NCOA1: variants seen among roughly 807,000 people sequenced by gnomAD.
NCOA1 encodes the protein nuclear receptor coactivator 1, also known as Hin-2 protein.
A neutral mutation model predicts 150.9 loss-of-function variants in NCOA1; 35 were observed. The observed-to-expected ratio is 0.23, with a 90% CI of 0.18 to 0.31. The LOEUF is 0.31. Ranked by LOEUF, NCOA1 falls within the 10% of genes least tolerant of loss-of-function variation. The pLI, the probability that NCOA1 is intolerant of heterozygous loss-of-function variation, is 1.00. For missense variants in NCOA1, 1,491 were observed against 1,749.3 expected, an observed-to-expected ratio of 0.85 and a Z score of 2.63; for synonymous variants, 590 against 630.0, an observed-to-expected ratio of 0.94 and a Z score of 0.95.
intron 19 of NCOA1, among the ~76,000 whole-genome samples, chr2:24,745,230 C>T (rs1010527995): frequency 1.2e-4 from 18 of 147,592 alleles, no homozygotes; most frequent in Non-Finnish European, 1.9e-4. Context: ...GGCGTGATCT[C>T]GGCTCACTGC....
intron 1 of NCOA1, among the ~76,000 whole-genome samples, chr2:24,562,886 T>C (rs968644794): frequency 5.3e-5 from 8 of 151,738 alleles, no homozygotes; most frequent in Admixed American, 2.6e-4. Flanking sequence ...TTAGAAAAAA[T>C]AGAGTGAGAT....
intron 1 of NCOA1, among the ~76,000 whole-genome samples, chr2:24,500,965 T>TTA (rs1486493189): frequency 3.3e-5 from 5 of 152,226 alleles, no homozygotes; most frequent in Admixed American, 6.5e-5. Context: ...AGAGCTTTTT[T>TTA]TATATGTATA....
At chr2:24,606,512 C>T (rs1395935709) in intron 3 of NCOA1, among the ~76,000 whole-genome samples, 1 of 152,218 alleles carries the variant, frequency 6.6e-6, no homozygotes, top group African/African-American at 2.4e-5. Context: ...GTTGGGATTA[C>T]AGGCATGAGT....
chr2:24,510,293 C>T (rs1049072417), intron 1 of NCOA1, among the ~76,000 whole-genome samples: 3 of 152,168 alleles, frequency 2.0e-5, no homozygotes, highest in Non-Finnish European at 4.4e-5. Context: ...TTAAGTGATC[C>T]GCCTTGGCCT....
intron 14 of NCOA1, among the ~76,000 whole-genome samples, chr2:24,725,413 C>T (rs1674566189): frequency 6.6e-6 from 1 of 151,942 alleles, no homozygotes; most frequent in East Asian, 1.9e-4. Flanking sequence ...TCAGGTTATC[C>T]CTCTGTCTGT....
Position 24,766,601 on chromosome 2 carries a change from G to GCA in NCOA1, c.4156-1620_4156-1619insCA, listed in dbSNP as rs1572701453. 2.4e-4 allele frequency among the ~76,000 whole-genome samples: 34 copies of GCA among 141,768 alleles called. 1 individual carries two copies. The East Asian group carries it at 4.5e-3, about 19-fold the overall frequency. 93.0% of individuals were successfully genotyped at this position (141,768 alleles called of 152,430 possible). A position where few individuals can be genotyped will look rare whatever the true frequency, so the allele number is the denominator to read the frequency against. On this transcript the variant is annotated intron_variant, in intron 22 of 22. Coordinates refer to ENST00000348332, the MANE Select transcript of NCOA1 (RefSeq NM_003743.5). Reference sequence around the variant, plus strand: ...AGTAGTAGGGAACTGGGATGGGATGGGGAGGAGGTAAGACAGGAGAGAACA... The same window carrying GCA: ...AGTAGTAGGGAACTGGGATGGGATGGCAGGAGGAGGTAAGACAGGAGAGAACA...
intron 1 of NCOA1, among the ~76,000 whole-genome samples, chr2:24,525,882 C>T (rs1420015101): frequency 6.6e-6 from 1 of 152,066 alleles, no homozygotes; most frequent in Non-Finnish European, 1.5e-5. Context: ...ATCCTTAGGT[C>T]TGCTTCCTTA....
At chr2:24,631,558 TC>T (rs1238978152) in intron 3 of NCOA1, among the ~76,000 whole-genome samples, 1 of 152,138 alleles carries the variant, frequency 6.6e-6, no homozygotes, top group Non-Finnish European at 1.5e-5. Flanking sequence ...TTTTTTTACT[TC>T]CTTACAAGAG....
At chr2:24,705,322 A>G in intron 12 of NCOA1, 89 bp downstream of exon 12, 1 of 1,367,390 alleles carries the variant, frequency 7.3e-7, no homozygotes, top group Non-Finnish European at 1.0e-6. Flanking sequence ...ATGGCTAGAA[A>G]GCAGAAATTC....
intron 15 of NCOA1, among the ~76,000 whole-genome samples, chr2:24,727,095 G>A (rs4530320): frequency 1.4e-4 from 20 of 138,794 alleles, no homozygotes; most frequent in South Asian, 6.9e-4. Flanking sequence ...CCAAGATTGC[G>A]CCATTGCACT....
intron 4 of NCOA1, among the ~76,000 whole-genome samples, chr2:24,652,758 T>C (rs1370874460): frequency 6.6e-6 from 1 of 152,166 alleles, no homozygotes; most frequent in Admixed American, 6.5e-5. Flanking sequence ...TAGCAACTCT[T>C]TTTAAATCAA....
At chr2:24,739,349 CA>C in intron 17 of NCOA1, 82 bp from the exon 18 acceptor site, 1 of 975,994 alleles carries the variant, frequency 1.0e-6, no homozygotes, top group East Asian at 2.5e-5. Flanking sequence ...TTTTAGTAAT[CA>C]ATAGAAAGTT....
chr2:24,516,934 A>G lies in NCOA1; in HGVS notation c.-396+25332A>G, dbSNP rs376254867. Among the ~76,000 whole-genome samples the G allele has an allele frequency of 9.6e-3, 472 of 49,400 alleles. 5 individuals are homozygous for G. The highest frequency in any genetic ancestry group is 0.022 in the South Asian group (25 of 1,158). 32.4% of individuals were successfully genotyped at this position (49,400 alleles called of 152,430 possible). On this transcript the variant is annotated intron_variant, in intron 1 of 22. Coordinates refer to ENST00000348332, the MANE Select transcript of NCOA1 (RefSeq NM_003743.5). ...TGCATGTGTGTGTGCGCGCGTGTGT[A>G]TATATATACGTATATATACAAGTAT...
At chr2:24,676,889 G>T (rs1412687337) in intron 7 of NCOA1, among the ~76,000 whole-genome samples, 3 of 152,120 alleles carry the variant, frequency 2.0e-5, no homozygotes, top group African/African-American at 7.2e-5. Flanking sequence ...AGAGCTCGAA[G>T]ACCAGTTAAC....
Position 24,752,105 on chromosome 2 carries a change from A to G in NCOA1, c.3830A>G (p.Tyr1277Cys), listed in dbSNP as rs751254362. ...CAGCAAACTCCACCTGCCTCCGGGT[A>G]TCAGTCACCAGACATGAAGGCCTGG... ...LLQQTPPASG[Y>C]QSPDMKAWQQ... The change falls in exon 20 of 23, where the codon TAT becomes TGT. Residue 1277 changes from tyrosine to cysteine, a missense_variant. Physicochemically the swap from Tyr to Cys is radical, Grantham distance 194. Transcript: ENST00000348332. 26 of 1,614,030 alleles carry G rather than the reference A, an allele frequency of 1.6e-5. 1 individual carries two copies. Among genetic ancestry groups the G allele is most frequent in the Non-Finnish European group, 1.9e-5 (23 of 1,180,040 alleles).
rs140730948 is a variant in NCOA1, at chr2:24,504,886, A to G, written c.-396+13284A>G. On this transcript the variant is annotated intron_variant, in intron 1 of 22. Transcript: ENST00000348332. ...ACTTTTGCTGTCTGAGAAGTTCACA[A>G]AATTTCTCTAGTATCCTTGGAGGTC... is the stretch of plus-strand genomic sequence containing the variant. Among the ~76,000 whole-genome samples the G allele has an allele frequency of 3.5e-3, 528 of 152,272 alleles. 1 individual carries two copies. Among genetic ancestry groups the G allele is most frequent in the Admixed American group, 7.4e-3 (113 of 15,298 alleles).
At chr2:24,505,393 G>C (rs1215914988) in intron 1 of NCOA1, among the ~76,000 whole-genome samples, 1 of 152,008 alleles carries the variant, frequency 6.6e-6, no homozygotes, top group South Asian at 2.1e-4. Context: ...TGGTCAGGCT[G>C]GTCTTGAACT....
chr2:24,494,086 A>G (rs747613627), intron 1 of NCOA1, among the ~76,000 whole-genome samples: 22 of 152,208 alleles, frequency 1.4e-4, no homozygotes, highest in Non-Finnish European at 1.5e-4. Flanking sequence ...TGTTCTGTGC[A>G]TGTCTTCTTG....
intron 7 of NCOA1, among the ~76,000 whole-genome samples, chr2:24,682,604 T>C (rs2148540341): frequency 6.6e-6 from 1 of 152,310 alleles, no homozygotes; most frequent in Middle Eastern, 3.4e-3. Flanking sequence ...TTTTGTGCTA[T>C]GCTCTCTCCA....
Sources: gnomAD v4.1 joint callset for allele counts (sites outside exome capture counted in the v4.1 genomes callset) on GRCh38, gnomAD v4.1.1 for gene constraint, MANE v1.5 for transcripts, NCBI Gene and HGNC (gene_info 2026-07-23, HGNC 2026-07-21) for gene names.